Variants in TENM3 observed in about 807,000 individuals in gnomAD.
TENM3 encodes teneurin transmembrane protein 3.
In TENM3, 63 loss-of-function variants were observed where a neutral mutation model predicts 255.1. The ratio of observed to expected loss-of-function variants is 0.25; its 90% CI spans 0.20 to 0.30. The LOEUF is 0.30. Ranked by LOEUF, TENM3 falls within the 10% of genes least tolerant of loss-of-function variation. The pLI is 1.00. For synonymous variants in TENM3, 1,306 were observed against 1,322.3 expected (o/e 0.99, Z 0.27); for missense variants, 2,929 against 3,461.1 (o/e 0.85, Z 3.86).
At chr4:181,521,084 A>G in the TENM3 span, among the ~76,000 whole-genome samples, 3 of 152,230 alleles carry the variant, frequency 2.0e-5, no homozygotes. Flanking sequence ...TGATACCACC[A>G]GGGCTTTTTC....
chr4:181,682,300 G>A, the TENM3 span, among the ~76,000 whole-genome samples: 1 of 152,200 alleles, frequency 6.6e-6, no homozygotes, highest in Admixed American at 6.5e-5. Context: ...TTTTTGTGGA[G>A]GTCTTCTGTT....
chr4:182,670,430 A>G (rs1579065750), intron 6 of TENM3, among the ~76,000 whole-genome samples: 1 of 152,212 alleles, frequency 6.6e-6, no homozygotes, highest in East Asian at 1.9e-4. Flanking sequence ...TTCTAGTACA[A>G]CCCTCTTCTG....
At chr4:181,605,554 GA>G in the TENM3 span, among the ~76,000 whole-genome samples, 2 of 28,142 alleles carry the variant, frequency 7.1e-5, 1 homozygote, top group Non-Finnish European at 1.9e-4. Context: ...AAGAAAGAAA[GA>G]AAGAAAGAAA....
intron 13 of TENM3, among the ~76,000 whole-genome samples, chr4:182,719,729 AATTAG>A (rs1385672352): frequency 6.6e-6 from 1 of 152,174 alleles, no homozygotes; most frequent in Non-Finnish European, 1.5e-5. Context: ...AGAAATAAAT[AATTAG>A]ATAAATAAGC....
the TENM3 span, among the ~76,000 whole-genome samples, chr4:181,658,900 C>A: frequency 6.6e-6 from 1 of 152,124 alleles, no homozygotes; most frequent in African/African-American, 2.4e-5. Context: ...CCAAAGCGTG[C>A]GCCTATAATG....
chr4:182,585,082 T>C (rs1249760103), intron 3 of TENM3, among the ~76,000 whole-genome samples: 1 of 152,214 alleles, frequency 6.6e-6, no homozygotes, highest in East Asian at 1.9e-4. Flanking sequence ...ATTTATTACT[T>C]TGTTTGAATA....
chr4:182,588,219 A>T (rs1746242124), intron 3 of TENM3, among the ~76,000 whole-genome samples: 1 of 152,218 alleles, frequency 6.6e-6, no homozygotes, highest in Non-Finnish European at 1.5e-5. Context: ...TAATTGATTT[A>T]TATAGTTAGG....
At chr4:181,787,574 A>G in the TENM3 span, among the ~76,000 whole-genome samples, 1 of 152,088 alleles carries the variant, frequency 6.6e-6, no homozygotes, top group Non-Finnish European at 1.5e-5. Flanking sequence ...TCCTGACCTC[A>G]AGTGATCTGC....
At chr4:182,693,923 GC>G (rs1757192623) in intron 12 of TENM3, among the ~76,000 whole-genome samples, 1 of 152,074 alleles carries the variant, frequency 6.6e-6, no homozygotes, top group Non-Finnish European at 1.5e-5. Flanking sequence ...TGTTTTGGGT[GC>G]CAACATTCAA....
At chr4:181,747,775 T>G in the TENM3 span, among the ~76,000 whole-genome samples, 1 of 152,060 alleles carries the variant, frequency 6.6e-6, no homozygotes, top group Non-Finnish European at 1.5e-5. Context: ...AGAATTTTTA[T>G]GATTCTATTT....
the TENM3 span, among the ~76,000 whole-genome samples, chr4:182,013,983 T>C: frequency 8.8e-6 from 1 of 114,272 alleles, no homozygotes; most frequent in Non-Finnish European, 1.8e-5. Flanking sequence ...TATACGTGTA[T>C]ATACGTATAT....
the TENM3 span, among the ~76,000 whole-genome samples, chr4:181,536,307 CA>C: frequency 3.3e-5 from 5 of 152,152 alleles, no homozygotes; most frequent in African/African-American, 1.2e-4. Flanking sequence ...AATGTTCGGC[CA>C]TTATGCAGGT....
At chr4:182,262,688 A>G (rs1449330677) in intron 1 of TENM3, among the ~76,000 whole-genome samples, 2 of 151,382 alleles carry the variant, frequency 1.3e-5, no homozygotes, top group Non-Finnish European at 1.5e-5. Flanking sequence ...TCTCCTGTCC[A>G]TGGAGTAGCC....
chr4:182,798,254 T>C (rs1766643207), intron 27 of TENM3, among the ~76,000 whole-genome samples: 1 of 152,198 alleles, frequency 6.6e-6, no homozygotes, highest in African/African-American at 2.4e-5. Flanking sequence ...GCGTTCCTCC[T>C]GCCTCCACCT....
rs1764857117 is a variant in TENM3 at position 182,346,917 on chromosome 4, G to T, written c.499G>T (p.Asp167Tyr). 2 of 1,595,944 alleles carry T rather than the reference G, an allele frequency of 1.3e-6. No individual in the cohort carries two copies. The highest frequency in any genetic ancestry group is 8.6e-7 in the Non-Finnish European group (1 of 1,168,480). The change falls in exon 3 of 28, where the codon GAC becomes TAC. Residue 167 changes from aspartate to tyrosine, a missense_variant. Asp to Tyr is a radical substitution (Grantham distance 160). Coordinates refer to ENST00000511685, the MANE Select transcript of TENM3 (RefSeq NM_001080477.4). ...LTDTEHENKS[D>Y]SENEQPASNQ... ...AGATACGGAGCACGAAAACAAGTCC[G>T]ACAGTGAGAATGGTAAGTTTCCTTT...
At chr4:182,649,810 T>C (rs1753090955) in intron 5 of TENM3, among the ~76,000 whole-genome samples, 1 of 150,294 alleles carries the variant, frequency 6.7e-6, no homozygotes, top group African/African-American at 2.4e-5. Flanking sequence ...GCCTGCAGTG[T>C]CTTTGGATGT....
intron 1 of TENM3, among the ~76,000 whole-genome samples, chr4:182,171,268 C>T (rs926688725): frequency 6.6e-6 from 1 of 152,118 alleles, no homozygotes; most frequent in Non-Finnish European, 1.5e-5. Context: ...TTACTAGATA[C>T]TGTTATATTT....
At chr4:182,064,755 A>G in the TENM3 span, among the ~76,000 whole-genome samples, 1 of 152,124 alleles carries the variant, frequency 6.6e-6, no homozygotes, top group Non-Finnish European at 1.5e-5. Flanking sequence ...CTGAGCAGAC[A>G]CGAAGTGAAG....
rs35639483 is a variant in TENM3, at chr4:182,544,323, A to ATTT, written c.512-56577_512-56575dup. On this transcript the variant is annotated intron_variant, in intron 3 of 27. Transcript: ENST00000511685. ...AGCTCCCTCCAGCACAGCATTGTGG[A>ATTT]TTTTTTTTTTTTTTTTTTTTTTTTT... Among the ~76,000 whole-genome samples the ATTT allele has an allele frequency of 5.3e-3, 364 of 69,324 alleles. 52 individuals carry two copies. Among genetic ancestry groups the ATTT allele is most frequent in the Non-Finnish European group, 7.6e-3 (288 of 38,004 alleles). The allele number at this position is 69,324 out of a possible 152,430, so 45.5% of individuals were successfully genotyped here.
Sources: allele counts gnomAD v4.1 joint callset (sites outside exome capture counted in the v4.1 genomes callset), GRCh38; gene constraint gnomAD v4.1.1; transcripts MANE v1.5; gene names NCBI Gene and HGNC (gene_info 2026-07-23, HGNC 2026-07-21).